PC: variants seen among roughly 807,000 people sequenced by gnomAD.
The protein encoded by PC is pyruvate carboxylase, also known as pyruvate carboxylase, mitochondrial.
PC carries 46 observed loss-of-function variants against 107.8 expected under a neutral mutation model. That is an observed-to-expected ratio of 0.43 (90% CI 0.34 to 0.55). The LOEUF (loss-of-function observed/expected upper bound fraction) is 0.55, where lower values mean the gene tolerates loss of function less well. PC is among the 20% of genes least tolerant of loss of function. The pLI is 0.04. For synonymous variants in PC, 662 were observed against 684.7 expected, an observed-to-expected ratio of 0.97 and a Z score of 0.52; for missense variants, 1,241 against 1,643.1, an observed-to-expected ratio of 0.76 and a Z score of 4.23.
rs200472867 is a variant in PC, at chr11:66,863,975, G to A, written c.1186-19C>T. On this transcript the variant is annotated intron_variant, in intron 11 of 22. Transcript: ENST00000393960. ...GGAACACCTGTGGGAAGGGTGAGGC[G>A]TGAGGACCTGCGCCAGAAACTGCGG... The A allele has an allele frequency of 9.9e-6, 16 of 1,613,032 alleles. No individual in the cohort carries two copies. The highest frequency in any genetic ancestry group is 6.7e-5 in the Admixed American group (4 of 60,014).
At chr11:66,955,261 G>C (rs978319124) in intron 1 of PC, among the ~76,000 whole-genome samples, 1 of 152,194 alleles carries the variant, frequency 6.6e-6, no homozygotes, top group Non-Finnish European at 1.5e-5. Flanking sequence ...TAAGAGTAGT[G>C]AATCTGAGGT....
chr11:66,956,148 T>C (rs1415408049), intron 1 of PC, among the ~76,000 whole-genome samples: 15 of 152,210 alleles, frequency 9.9e-5, no homozygotes, highest in Admixed American at 7.9e-4. Context: ...TAGCAAATCC[T>C]AGTGCCCTCA....
chr11:66,916,161 C>T (rs1199004340), intron 3 of PC, among the ~76,000 whole-genome samples: 1 of 152,230 alleles, frequency 6.6e-6, no homozygotes, highest in African/African-American at 2.4e-5. Flanking sequence ...TGGCCCAGCC[C>T]CTGTGGTCTT....
chr11:66,884,993 G>T (rs868762951), intron 3 of PC, among the ~76,000 whole-genome samples: 1 of 152,146 alleles, frequency 6.6e-6, no homozygotes, highest in Admixed American at 6.6e-5. Flanking sequence ...CACAGGACCT[G>T]CTCCCCACTC....
intron 3 of PC, among the ~76,000 whole-genome samples, chr11:66,947,820 G>A (rs1949336349): frequency 6.6e-6 from 1 of 151,672 alleles, no homozygotes; most frequent in African/African-American, 2.4e-5. Flanking sequence ...AAAATTAGCT[G>A]GGCGTGGTGG....
Position 66,920,603 on chromosome 11 carries a change from C to T in PC, c.-1+31827G>A, listed in dbSNP as rs78347094. 5.9e-5 allele frequency among the ~76,000 whole-genome samples: 9 copies of T among 152,244 alleles called. No individual in the cohort carries two copies. In the East Asian group the frequency reaches 1.2e-3, roughly 20 times the overall value. On this transcript the variant is annotated intron_variant, in intron 3 of 22. Transcript: ENST00000393960. ...ACAGCTTCCCAGCAATCCCAAGAAT[C>T]GTAGAGCCATTTCTTTGTCTTCGCC...
At chr11:66,895,502 T>A (rs1396344966) in intron 3 of PC, among the ~76,000 whole-genome samples, 1 of 152,146 alleles carries the variant, frequency 6.6e-6, no homozygotes, top group Non-Finnish European at 1.5e-5. Context: ...GAGACAAACA[T>A]GGCATTCACA....
intron 3 of PC, among the ~76,000 whole-genome samples, chr11:66,950,463 C>T (rs868628615): frequency 6.6e-6 from 1 of 152,162 alleles, no homozygotes; most frequent in Admixed American, 6.5e-5. Context: ...GCTGGGAGTA[C>T]CTGGGGTAAC....
intron 12 of PC, among the ~76,000 whole-genome samples, chr11:66,862,082 T>C (rs1177923481): frequency 6.6e-6 from 1 of 152,092 alleles, no homozygotes; most frequent in Non-Finnish European, 1.5e-5. Context: ...GGGTCACCCC[T>C]GTGCATGGCC....
intron 9 of PC, among the ~76,000 whole-genome samples, chr11:66,869,840 A>G (rs1196108598): frequency 6.6e-6 from 1 of 152,252 alleles, no homozygotes; most frequent in African/African-American, 2.4e-5. Context: ...CAGAGGTCCC[A>G]GAAAAGCAGA....
chr11:66,854,962 A>G (rs986050638), intron 12 of PC, among the ~76,000 whole-genome samples: 3 of 152,150 alleles, frequency 2.0e-5, no homozygotes, highest in African/African-American at 7.2e-5. Context: ...CCGAGCGCGC[A>G]GAGTGAGAAG....
At chr11:66,859,509 C>G in intron 12 of PC, 1 of 1,516,140 alleles carries the variant, frequency 6.6e-7, no homozygotes, top group South Asian at 1.3e-5. Context: ...GTTCACCTTC[C>G]TGAGTGAACC....
chr11:66,884,688 T>C (rs780527573), intron 3 of PC, among the ~76,000 whole-genome samples: 21 of 152,202 alleles, frequency 1.4e-4, no homozygotes, highest in Non-Finnish European at 2.8e-4. Flanking sequence ...GATCTTGGAC[T>C]TCCAGCCTCC....
chr11:66,933,947 C>A (rs948406903), intron 3 of PC, among the ~76,000 whole-genome samples: 1 of 152,148 alleles, frequency 6.6e-6, no homozygotes, highest in African/African-American at 2.4e-5. Context: ...GCTCACTACG[C>A]CCCACCAGCA....
chr11:66,864,799 C>T (rs1946422514), intron 11 of PC, among the ~76,000 whole-genome samples: 1 of 152,214 alleles, frequency 6.6e-6, no homozygotes, highest in African/African-American at 2.4e-5. Context: ...GTTCGTGCCG[C>T]CCGAGTGAGC....
intron 11 of PC, among the ~76,000 whole-genome samples, chr11:66,864,194 G>A (rs1946396209): frequency 6.6e-6 from 1 of 152,266 alleles, no homozygotes. Context: ...TGAGGAGCTG[G>A]GAGGGGGCAG....
rs754351246 is a variant in PC at position 66,872,048 on chromosome 11, T to G, written c.112A>C (p.Lys38Gln). Residue 38 changes from lysine to glutamine, a missense_variant, in exon 4 of 23, where the codon AAG becomes CAG. Around this residue, in one of 2 missense-constraint regions of PC, gnomAD observed 1,143 missense variants for 1,551.9 expected, o/e 0.74. Coordinates refer to ENST00000393960, the MANE Select transcript of PC (RefSeq NM_001040716.2). ...CCTCTGTTGGCCACCATGACTTTCT[T>G]GATGGGCTTATACTCCAGGCGCCGG... is the stretch of plus-strand genomic sequence containing the variant. ...NVRRLEYKPI[K>Q]KVMVANRGEI... 3 of 1,562,772 alleles carry G rather than the reference T, an allele frequency of 1.9e-6. No individual in the cohort carries two copies. In the East Asian group the frequency reaches 7.2e-5, roughly 37 times the overall value.
chr11:66,857,891 C>T lies in PC; in HGVS notation c.1369-4508G>A. The T allele has an allele frequency of 1.9e-6, 3 of 1,611,720 alleles. No homozygotes were observed. The highest frequency in any genetic ancestry group is 2.5e-6 in the Non-Finnish European group (3 of 1,179,882). ...TTGTGCCGCCCAACGTGGACCGGCG[C>T]ACAGTGGAGCTGCGGCTGGCTGACA... is the stretch of plus-strand genomic sequence containing the variant. On this transcript the variant is annotated intron_variant, in intron 12 of 22. Transcript: ENST00000393960. This position sits in a 1 kb window ranked among gnomAD's most constrained non-coding sequence, Gnocchi z 7.1.
At chr11:66,905,347 G>A (rs1489982658) in intron 3 of PC, among the ~76,000 whole-genome samples, 1 of 152,212 alleles carries the variant, frequency 6.6e-6, no homozygotes, top group East Asian at 1.9e-4. Flanking sequence ...ACTGGGGTGA[G>A]AGGGAGAAAC....
Sources: gnomAD v4.1 joint callset for allele counts (sites outside exome capture counted in the v4.1 genomes callset) on GRCh38, gnomAD v4.1.1 for gene constraint, gnomAD v4.1.1 regional missense constraint, Gnocchi (gnomAD v3.1) non-coding constraint, MANE v1.5 for transcripts, NCBI Gene and HGNC (gene_info 2026-07-23, HGNC 2026-07-21) for gene names.